The following TRHDE variants were observed in gnomAD, a reference collection of about 807,000 sequenced individuals.
The protein encoded by TRHDE is thyrotropin-releasing hormone-degrading ectoenzyme.
Under a neutral mutation model 125.7 loss-of-function variants are expected in TRHDE, and 72 were observed. That is an observed-to-expected ratio of 0.57 (90% CI 0.47 to 0.70). The LOEUF is 0.70. Ranked by LOEUF, TRHDE falls within the 30% of genes least tolerant of loss-of-function variation. The pLI is 0.00. For missense variants in TRHDE, 1,110 were observed against 1,327.1 expected (o/e 0.84, Z 2.54); for synonymous variants, 509 against 509.1 (o/e 1.00, Z 0.00).
intron 2 of TRHDE, among the ~76,000 whole-genome samples, chr12:72,369,872 A>G (rs149786983): frequency 1.8e-4 from 28 of 152,302 alleles, no homozygotes; most frequent in African/African-American, 6.7e-4. Context: ...AAAACGCTGC[A>G]AATAAGCAGG....
chr12:72,630,267 C>T (rs1294768906), intron 15 of TRHDE, among the ~76,000 whole-genome samples: 1 of 151,438 alleles, frequency 6.6e-6, no homozygotes, highest in Non-Finnish European at 1.5e-5. Context: ...ATGAGATCAT[C>T]CTAGATTTAG....
chr12:72,306,708 A>C (rs1868346841), intron 2 of TRHDE: 1 of 152,216 alleles, frequency 6.6e-6, no homozygotes, highest in African/African-American at 2.4e-5. Flanking sequence ...AAATGGGCAA[A>C]GCTTCATGAA....
intron 2 of TRHDE, among the ~76,000 whole-genome samples, chr12:72,111,378 A>T (rs1425841394): frequency 6.6e-6 from 1 of 152,164 alleles, no homozygotes; most frequent in Non-Finnish European, 1.5e-5. Context: ...ATACTATTTA[A>T]CAAGCAAACA....
chr12:72,203,508 G>A (rs549622493), intron 2 of TRHDE, among the ~76,000 whole-genome samples: 1 of 152,178 alleles, frequency 6.6e-6, no homozygotes, highest in African/African-American at 2.4e-5. Context: ...TGGTCTAATG[G>A]TGCAGCATGT....
intron 18 of TRHDE, among the ~76,000 whole-genome samples, chr12:72,657,215 A>G (rs1442487234): frequency 6.6e-6 from 1 of 152,164 alleles, no homozygotes; most frequent in East Asian, 1.9e-4. Context: ...GCCTGCAAGG[A>G]ATGTTTGAAT....
At chr12:72,427,256 G>GT (rs1874229452) in intron 3 of TRHDE, among the ~76,000 whole-genome samples, 1 of 152,008 alleles carries the variant, frequency 6.6e-6, no homozygotes, top group South Asian at 2.1e-4. Flanking sequence ...TCTGATTTGC[G>GT]TATGTGTGCC....
intron 6 of TRHDE, among the ~76,000 whole-genome samples, chr12:72,526,355 A>G (rs1247503188): frequency 6.6e-6 from 1 of 152,116 alleles, no homozygotes; most frequent in Non-Finnish European, 1.5e-5. Context: ...AGCCACTCAC[A>G]CAATAACAAT....
At chr12:72,213,408 C>T (rs1002281846) in intron 2 of TRHDE, among the ~76,000 whole-genome samples, 9 of 152,074 alleles carry the variant, frequency 5.9e-5, no homozygotes, top group Admixed American at 2.6e-4. Context: ...TTAGCAAAGG[C>T]ACTTTTCTAG....
At chr12:72,114,744 A>G (rs962658785) in intron 2 of TRHDE, among the ~76,000 whole-genome samples, 12 of 152,108 alleles carry the variant, frequency 7.9e-5, no homozygotes, top group Non-Finnish European at 1.6e-4. Context: ...GTGGGGACCC[A>G]TAAATAGTAC....
At chr12:72,658,566 T>C (rs1283111087) in intron 18 of TRHDE, among the ~76,000 whole-genome samples, 1 of 152,218 alleles carries the variant, frequency 6.6e-6, no homozygotes, top group Non-Finnish European at 1.5e-5. Flanking sequence ...CTGGACTTGG[T>C]ATTACCCAGG....
intron 2 of TRHDE, among the ~76,000 whole-genome samples, chr12:72,299,906 G>A (rs1296689652): frequency 6.6e-6 from 1 of 152,168 alleles, no homozygotes; most frequent in Non-Finnish European, 1.5e-5. Context: ...ACCAACGAGG[G>A]CATGGATAGT....
intron 2 of TRHDE, among the ~76,000 whole-genome samples, chr12:72,291,652 C>T (rs1207425238): frequency 1.3e-5 from 2 of 152,222 alleles, no homozygotes; most frequent in African/African-American, 2.4e-5. Flanking sequence ...TTTTCTGGTT[C>T]TTCTTCCCAA....
intron 2 of TRHDE, among the ~76,000 whole-genome samples, chr12:72,246,425 A>G (rs1878577413): frequency 6.6e-6 from 1 of 152,096 alleles, no homozygotes; most frequent in Non-Finnish European, 1.5e-5. Flanking sequence ...TTATCTGTTC[A>G]GTATTATTTG....
intron 2 of TRHDE, among the ~76,000 whole-genome samples, chr12:72,344,467 A>G (rs1177443092): frequency 6.6e-6 from 1 of 152,146 alleles, no homozygotes; most frequent in African/African-American, 2.4e-5. Flanking sequence ...CTAATGCCAC[A>G]TAGCTAATAG....
chr12:72,478,725 T>C (rs967334422), intron 5 of TRHDE, among the ~76,000 whole-genome samples: 11 of 151,952 alleles, frequency 7.2e-5, no homozygotes, highest in African/African-American at 2.7e-4. Flanking sequence ...TAAAGCAAAA[T>C]ATCTCCTGTG....
intron 6 of TRHDE, among the ~76,000 whole-genome samples, chr12:72,537,733 C>T (rs1868939273): frequency 6.6e-6 from 1 of 152,050 alleles, no homozygotes; most frequent in South Asian, 2.1e-4. Context: ...CTTCAGACCA[C>T]ATCTCCTATA....
intron 2 of TRHDE, among the ~76,000 whole-genome samples, chr12:72,145,897 T>C (rs1300345386): frequency 1.3e-5 from 2 of 152,184 alleles, no homozygotes; most frequent in Non-Finnish European, 2.9e-5. Context: ...AACTAAGACT[T>C]GTTCCTTCAT....
chr12:72,505,706 T>C (rs966054918), intron 6 of TRHDE, among the ~76,000 whole-genome samples: 4 of 152,162 alleles, frequency 2.6e-5, no homozygotes, highest in Non-Finnish European at 5.9e-5. Flanking sequence ...GGACATAAAT[T>C]TTTTAAAAAG....
chr12:72,539,698 A>T (rs1328534421), intron 6 of TRHDE, among the ~76,000 whole-genome samples: 2 of 151,930 alleles, frequency 1.3e-5, no homozygotes, highest in Admixed American at 6.6e-5. Flanking sequence ...TAAATGATGA[A>T]TGGGTTTATA....
Sources: allele counts gnomAD v4.1 joint callset (sites outside exome capture counted in the v4.1 genomes callset), GRCh38; gene constraint gnomAD v4.1.1; transcripts MANE v1.5; gene names NCBI Gene and HGNC (gene_info 2026-07-23, HGNC 2026-07-21).